Variants in PHF21A observed in about 807,000 individuals in gnomAD.
PHF21A encodes BHC80a.
A neutral mutation model predicts 82.5 loss-of-function variants in PHF21A; 11 were observed. The observed-to-expected ratio is 0.13, with a 90% CI of 0.08 to 0.22. The LOEUF is 0.22. PHF21A is among the 10% of genes least tolerant of loss of function. PHF21A has a pLI of 1.00. For synonymous variants in PHF21A, 297 were observed against 302.8 expected (o/e 0.98, Z 0.20); for missense variants, 579 against 837.8 (o/e 0.69, Z 3.81).
In PHF21A at chr11:45,938,173, G is replaced by A. The variant is rs1486788501; in HGVS notation, c.1592C>T (p.Pro531Leu). The A allele has an allele frequency of 6.2e-7, 1 of 1,604,396 alleles. No homozygotes were observed. The highest frequency in any genetic ancestry group is 8.5e-7 in the Non-Finnish European group (1 of 1,175,478). The stretch of plus-strand genomic sequence containing the variant: ...CCACAGTACCTGGTCCTGACATCTG[G>A]GACAGATCCACATGCCCTTGGGAAT... ...KTIPKGMWIC[P>L]RCQDQMLKKE... is the part of the protein sequence containing the mutation. The change falls in exon 16 of 19, where the codon CCC becomes CTC. Residue 531 changes from proline to leucine, a missense_variant. By Grantham distance (98) the Pro-to-Leu change is moderately conservative. Coordinates refer to ENST00000676320, the MANE Select transcript of PHF21A (RefSeq NM_001352027.3).
At chr11:45,949,023 G>C in intron 13 of PHF21A, 77 bp from the exon 14 acceptor site, 1 of 1,126,380 alleles carries the variant, frequency 8.9e-7, no homozygotes, top group East Asian at 2.3e-5. Context: ...TAAAGACCAA[G>C]CATGGCATGA....
At chr11:46,031,635 T>C (rs2095868180) in intron 6 of PHF21A, among the ~76,000 whole-genome samples, 1 of 152,212 alleles carries the variant, frequency 6.6e-6, no homozygotes, top group African/African-American at 2.4e-5. Flanking sequence ...CATTGTTTAG[T>C]TAGTGGATTC....
intron 6 of PHF21A, among the ~76,000 whole-genome samples, chr11:45,990,250 CTTTTTTTT>C (rs201187984): frequency 5.5e-4 from 31 of 56,278 alleles, no homozygotes; most frequent in Non-Finnish European, 1.1e-3. Context: ...TTTTCATCTT[CTTTTTTTT>C]TTTTTTTTTT....
chr11:46,103,607 T>A (rs1214070693), intron 1 of PHF21A, among the ~76,000 whole-genome samples: 1 of 152,198 alleles, frequency 6.6e-6, no homozygotes, highest in East Asian at 1.9e-4. Context: ...TAGACCTTTA[T>A]CAAATGGTAC....
chr11:46,091,392 G>A (rs2096923141), intron 2 of PHF21A, among the ~76,000 whole-genome samples: 1 of 151,938 alleles, frequency 6.6e-6, no homozygotes, highest in Non-Finnish European at 1.5e-5. Flanking sequence ...TCAAAGAAAT[G>A]TTTAAGAATG....
intron 2 of PHF21A, among the ~76,000 whole-genome samples, chr11:46,091,599 C>T (rs904898968): frequency 6.6e-6 from 1 of 152,166 alleles, no homozygotes; most frequent in Non-Finnish European, 1.5e-5. Flanking sequence ...TAAATAAACA[C>T]GAGTCCCAAA....
chr11:45,991,783 C>T (rs2094711506), intron 6 of PHF21A, among the ~76,000 whole-genome samples: 1 of 152,118 alleles, frequency 6.6e-6, no homozygotes, highest in Admixed American at 6.5e-5. Flanking sequence ...TTATGAATCT[C>T]TGAATGGCAA....
chr11:46,060,724 T>C (rs934969098), intron 6 of PHF21A, among the ~76,000 whole-genome samples: 2 of 152,248 alleles, frequency 1.3e-5, no homozygotes, highest in African/African-American at 4.8e-5. Flanking sequence ...ATTAGACCTT[T>C]GTCAGATGCA....
intron 6 of PHF21A, among the ~76,000 whole-genome samples, chr11:45,995,399 G>GT (rs2094869843): frequency 6.6e-6 from 1 of 152,266 alleles, no homozygotes; most frequent in South Asian, 2.1e-4. Context: ...TAACAGGAAG[G>GT]AATCATTCTT....
At chr11:45,999,358 A>G (rs79686965) in intron 6 of PHF21A, among the ~76,000 whole-genome samples, 3,086 of 152,316 alleles carry the variant, frequency 0.02, 42 homozygotes, top group Middle Eastern at 0.041. Flanking sequence ...CTTTGCAGAA[A>G]TGGAGTAAGG....
intron 6 of PHF21A, among the ~76,000 whole-genome samples, chr11:46,029,962 T>A (rs1345945318): frequency 1.3e-5 from 2 of 152,232 alleles, no homozygotes; most frequent in Non-Finnish European, 2.9e-5. Context: ...ATTTGGATAG[T>A]CTTTATAACT....
intron 6 of PHF21A, among the ~76,000 whole-genome samples, chr11:46,009,731 T>G (rs992203442): frequency 2.6e-5 from 4 of 152,204 alleles, no homozygotes; most frequent in African/African-American, 9.6e-5. Flanking sequence ...ACAGAGCCCA[T>G]CCACTTAGTC....
chr11:45,948,292 T>C (rs1448655170), intron 14 of PHF21A, among the ~76,000 whole-genome samples: 2 of 152,228 alleles, frequency 1.3e-5, no homozygotes, highest in South Asian at 2.1e-4. Flanking sequence ...TTCTGGAATG[T>C]CCATGGGAAG....
chr11:45,955,283 AACACACAC>A (rs3061874), intron 10 of PHF21A, among the ~76,000 whole-genome samples: 1 of 148,662 alleles, frequency 6.7e-6, no homozygotes, highest in East Asian at 2.0e-4. Flanking sequence ...TTCTCTCTCC[AACACACAC>A]ACACACACAC....
chr11:45,938,890 G>A (rs999729575), intron 15 of PHF21A, among the ~76,000 whole-genome samples: 5 of 151,524 alleles, frequency 3.3e-5, no homozygotes, highest in African/African-American at 4.9e-5. Flanking sequence ...CTGGAGTGCA[G>A]TGGCGCGATC....
chr11:46,011,681 A>C (rs1438814277), intron 6 of PHF21A, among the ~76,000 whole-genome samples: 4 of 152,178 alleles, frequency 2.6e-5, no homozygotes, highest in African/African-American at 9.6e-5. Flanking sequence ...ACTCCCGCAG[A>C]ATACAGATGT....
chr11:46,052,477 C>T (rs1191777668), intron 6 of PHF21A, among the ~76,000 whole-genome samples: 2 of 152,004 alleles, frequency 1.3e-5, no homozygotes, highest in African/African-American at 4.8e-5. Context: ...AATACCTCTG[C>T]ACTAGCCATT....
rs147160942 is a variant in PHF21A at position 46,035,827 on chromosome 11, A to G, written c.153+40927T>C. On this transcript the variant is annotated intron_variant, in intron 6 of 18. Coordinates refer to ENST00000676320, the MANE Select transcript of PHF21A (RefSeq NM_001352027.3). ...TAGAGTTTGAAGAAAGAGAGAGAGA[A>G]AAGAGAGGTTGGAGAAAGTAGGTAT... Among the ~76,000 whole-genome samples, 300 of 152,234 alleles carry G rather than the reference A, an allele frequency of 2.0e-3. 1 individual carries two copies. Among genetic ancestry groups the G allele is most frequent in the African/African-American group, 6.7e-3 (280 of 41,552 alleles).
intron 6 of PHF21A, among the ~76,000 whole-genome samples, chr11:46,045,063 G>A (rs2096235266): frequency 6.6e-6 from 1 of 152,134 alleles, no homozygotes; most frequent in South Asian, 2.1e-4. Flanking sequence ...TAAACATACA[G>A]CAAAGTTCTT....
Sources: allele counts gnomAD v4.1 joint callset (sites outside exome capture counted in the v4.1 genomes callset), GRCh38; gene constraint gnomAD v4.1.1; transcripts MANE v1.5; gene names NCBI Gene and HGNC (gene_info 2026-07-23, HGNC 2026-07-21).